The following PLCXD2 variants were observed in gnomAD, a reference collection of about 807,000 sequenced individuals.
PLCXD2 encodes the protein phosphatidylinositol specific phospholipase C X domain containing 2.
A neutral mutation model predicts 28.6 loss-of-function variants in PLCXD2; 21 were observed. That is an observed-to-expected ratio of 0.73 (90% confidence interval 0.52 to 1.06). The LOEUF (loss-of-function observed/expected upper bound fraction) is 1.06. Among genes scored for constraint, PLCXD2 ranks in the 50% least tolerant of loss-of-function variants. The pLI, the probability that PLCXD2 is intolerant of heterozygous loss-of-function variation, is 0.00. For missense variants in PLCXD2, 369 were observed against 376.7 expected (o/e 0.98, Z 0.17); for synonymous variants, 140 against 150.1 (o/e 0.93, Z 0.49).
At chr3:111,694,230 G>A (rs1940928695) in intron 1 of PLCXD2, among the ~76,000 whole-genome samples, 1 of 152,014 alleles carries the variant, frequency 6.6e-6, no homozygotes, top group South Asian at 2.1e-4. Context: ...GATCCACTGA[G>A]GTCTTTCCAA....
At chr3:111,725,505 G>C in intron 3 of PLCXD2, 2 of 397,276 alleles carry the variant, frequency 5.0e-6, no homozygotes, top group Non-Finnish European at 8.9e-6. Flanking sequence ...CGTAGCTTCT[G>C]GATTCCCCAG....
At chr3:111,689,974 G>A (rs1023383599) in intron 1 of PLCXD2, among the ~76,000 whole-genome samples, 2 of 151,880 alleles carry the variant, frequency 1.3e-5, no homozygotes, top group Non-Finnish European at 2.9e-5. Context: ...ACTTCCTAGG[G>A]GACCGATATT....
chr3:111,719,021 C>G (rs1941311311), intron 3 of PLCXD2, among the ~76,000 whole-genome samples: 1 of 152,176 alleles, frequency 6.6e-6, no homozygotes. Context: ...AGAAGCCACA[C>G]TTAGTGATCG....
intron 3 of PLCXD2, among the ~76,000 whole-genome samples, chr3:111,716,001 G>A (rs1941262062): frequency 6.6e-6 from 1 of 152,220 alleles, no homozygotes; most frequent in African/African-American, 2.4e-5. Context: ...TTTATGATGA[G>A]AGATAATGAT....
At chr3:111,688,478 T>C (rs1230318760) in intron 1 of PLCXD2, among the ~76,000 whole-genome samples, 1 of 152,238 alleles carries the variant, frequency 6.6e-6, no homozygotes, top group African/African-American at 2.4e-5. Context: ...CACAAAGTAC[T>C]GCTAACCAGG....
Position 111,714,085 on chromosome 3 carries a change from G to T in PLCXD2, c.823G>T (p.Ala275Ser). 3 of 1,614,116 alleles carry T rather than the reference G, an allele frequency of 1.9e-6. No individual in the cohort carries two copies. Among genetic ancestry groups the T allele is most frequent in the Non-Finnish European group, 2.5e-6 (3 of 1,180,038 alleles). Residue 275 changes from alanine to serine, a missense_variant, in exon 3 of 5, where the codon GCC (alanine) becomes TCC (serine). Transcript: ENST00000477665. ...CCTCACCCCCAGAGTGAAGACCATT[G>T]CCCGGGGCTTGGTTGGGGGCCTCAA...
At chr3:111,714,246 A>G (rs1941238897) in intron 3 of PLCXD2, 118 bp downstream of exon 3, 1 of 1,327,142 alleles carries the variant, frequency 7.5e-7, no homozygotes, top group Non-Finnish European at 1.0e-6. Context: ...ACAACAAAAC[A>G]AGCAAAAAAC....
At chr3:111,706,589 A>G (rs1449998954) in intron 1 of PLCXD2, among the ~76,000 whole-genome samples, 1 of 152,128 alleles carries the variant, frequency 6.6e-6, no homozygotes, top group African/African-American at 2.4e-5. Context: ...TATCAATAAT[A>G]GCCTTAAATG....
intron 1 of PLCXD2, among the ~76,000 whole-genome samples, chr3:111,686,808 A>G (rs904370169): frequency 2.6e-5 from 4 of 152,174 alleles, no homozygotes; most frequent in Non-Finnish European, 4.4e-5. Context: ...AAAATTGTTC[A>G]ATGTAATATT....
At chr3:111,726,849 C>G (rs1941422705) in intron 3 of PLCXD2, 1 of 152,070 alleles carries the variant, frequency 6.6e-6, no homozygotes, top group Non-Finnish European at 1.5e-5. Context: ...TTTGAACTAC[C>G]TAAATAGGCT....
intron 2 of PLCXD2, among the ~76,000 whole-genome samples, chr3:111,708,613 C>T (rs112022969): frequency 6.6e-6 from 1 of 152,154 alleles, no homozygotes; most frequent in African/African-American, 2.4e-5. Context: ...TGTTTGACAT[C>T]TAATTGACTT....
chr3:111,676,516 T>C (rs1047535965), intron 1 of PLCXD2, among the ~76,000 whole-genome samples: 2 of 152,154 alleles, frequency 1.3e-5, no homozygotes, highest in Non-Finnish European at 2.9e-5. Context: ...CCTCCTCTTT[T>C]GGGTGTCTTC....
chr3:111,719,793 G>A (rs562386310), intron 3 of PLCXD2, among the ~76,000 whole-genome samples: 4 of 152,356 alleles, frequency 2.6e-5, no homozygotes, highest in African/African-American at 9.6e-5. Flanking sequence ...TGGAGTACCA[G>A]TTATGTTCTA....
chr3:111,706,355 G>C (rs1265007657), intron 1 of PLCXD2, among the ~76,000 whole-genome samples: 1 of 151,982 alleles, frequency 6.6e-6, no homozygotes, highest in Non-Finnish European at 1.5e-5. Context: ...CCTTTGCTAG[G>C]GTGGAGACGT....
chr3:111,694,426 T>C (rs1175050533), intron 1 of PLCXD2, among the ~76,000 whole-genome samples: 1 of 152,142 alleles, frequency 6.6e-6, no homozygotes, highest in Non-Finnish European at 1.5e-5. Context: ...TCTTATCGCA[T>C]GTTCATTTTC....
At chr3:111,675,541 CTT>C (rs1438453574) in intron 1 of PLCXD2, 133 bp downstream of exon 1, 2 of 1,018,046 alleles carry the variant, frequency 2.0e-6, no homozygotes, top group Non-Finnish European at 3.0e-6. Flanking sequence ...AAACCAAAAA[CTT>C]AACACTGAAG....
intron 1 of PLCXD2, among the ~76,000 whole-genome samples, chr3:111,703,474 G>A (rs1295715038): frequency 6.6e-6 from 1 of 152,194 alleles, no homozygotes; most frequent in African/African-American, 2.4e-5. Context: ...TCCCTCTGGA[G>A]ATGAAACTGG....
At chr3:111,695,989 T>C (rs1440764197) in intron 1 of PLCXD2, among the ~76,000 whole-genome samples, 1 of 152,180 alleles carries the variant, frequency 6.6e-6, no homozygotes, top group Non-Finnish European at 1.5e-5. Context: ...ATTCAACTCT[T>C]TAAAATTGGT....
chr3:111,678,838 G>A (rs904544255), intron 1 of PLCXD2, among the ~76,000 whole-genome samples: 16 of 152,210 alleles, frequency 1.1e-4, no homozygotes, highest in African/African-American at 3.9e-4. Flanking sequence ...AGGAATGATT[G>A]GGTCATTTTA....
Sources: allele counts gnomAD v4.1 joint callset (sites outside exome capture counted in the v4.1 genomes callset), GRCh38; gene constraint gnomAD v4.1.1; transcripts MANE v1.5; gene names NCBI Gene and HGNC (gene_info 2026-07-23, HGNC 2026-07-21).